Variants in SDHA observed in about 807,000 individuals in gnomAD.
The protein encoded by SDHA is succinate dehydrogenase complex flavoprotein subunit A.
Under a neutral mutation model 78.4 loss-of-function variants are expected in SDHA, and 48 were observed. The ratio of observed to expected loss-of-function variants is 0.61; its 90% CI spans 0.49 to 0.78. SDHA has a LOEUF of 0.78. Ranked by LOEUF, SDHA falls within the 30% of genes least tolerant of loss-of-function variation. The pLI, the probability that SDHA is intolerant of heterozygous loss-of-function variation, is 0.00. For synonymous variants in SDHA, 326 were observed against 353.9 expected (o/e 0.92, Z 0.88); for missense variants, 680 against 892.7 (o/e 0.76, Z 3.04).
chr5:264,598 G>A, the SDHA span, among the ~76,000 whole-genome samples: 36,631 of 152,174 alleles, frequency 0.24, 6,887 homozygotes, highest in African/African-American at 0.53. Context: ...TGCTGGTGGT[G>A]TCAGAATCAA....
downstream of SDHA, among the ~76,000 whole-genome samples, chr5:258,894 G>A (rs1473633091): frequency 5.9e-5 from 3 of 50,520 alleles, 1 homozygote; most frequent in Non-Finnish European, 1.2e-4. Context: ...TCCGCCCTCC[G>A]CCAGAGCATT....
chr5:256,340 C>G lies in SDHA; in HGVS notation c.1915C>G (p.Leu639Val), dbSNP rs1126697. 42 of 1,610,940 alleles carry G rather than the reference C, an allele frequency of 2.6e-5. No individual in the cohort carries two copies. Among genetic ancestry groups the G allele is most frequent in the Non-Finnish European group, 3.5e-5 (41 of 1,177,318 alleles). The change falls in exon 15 of 15, where the codon CTG becomes GTG. Residue 639 changes from leucine to valine, a missense_variant. Leu to Val is a conservative substitution (Grantham distance 32). Coordinates refer to ENST00000264932, the MANE Select transcript of SDHA (RefSeq NM_004168.4). ...ACTGACTCTTCTTTTCAAGGTCACT[C>G]TGGAATATAGACCCGTGATCGACAA... ...YVDVGTGKVT[L>V]EYRPVIDKTL...
At chr5:236,404 C>T in intron 9 of SDHA, 24 bp from the exon 10 acceptor site, 1 of 1,611,428 alleles carries the variant, frequency 6.2e-7, no homozygotes, top group Non-Finnish European at 8.5e-7. Context: ...CTTGACATTT[C>T]ACCTGAAATC....
At chr5:235,368 T>A in intron 9 of SDHA, 29 bp downstream of exon 9, 2 of 1,611,494 alleles carry the variant, frequency 1.2e-6, no homozygotes, top group Non-Finnish European at 1.7e-6. Flanking sequence ...CCCCCACAGC[T>A]GGAAAGAAGG....
chr5:218,376 G>T lies in SDHA; in HGVS notation c.21G>T (p.Leu7=). Residue 7 remains leucine, a synonymous_variant, in exon 1 of 15, where the codon CTG becomes CTT. Coordinates refer to ENST00000264932, the MANE Select transcript of SDHA (RefSeq NM_004168.4). The part of the protein sequence containing the change: MSGVRG[L]SRLLSARRLA... ...CAGACATGTCGGGGGTCCGGGGCCT[G>T]TCGCGGCTGCTGAGCGCTCGGCGCC... The T allele has an allele frequency of 1.4e-6, 2 of 1,456,778 alleles. No homozygotes were observed. Among genetic ancestry groups the T allele is most frequent in the Non-Finnish European group, 9.0e-7 (1 of 1,113,198 alleles). The allele number at this position is 1,456,778 out of a possible 1,614,324, so 90.2% of individuals were successfully genotyped here.
intron 11 of SDHA, among the ~76,000 whole-genome samples, chr5:245,953 A>G (rs1019644830): frequency 1.3e-5 from 2 of 152,258 alleles, no homozygotes; most frequent in African/African-American, 4.8e-5. Flanking sequence ...GCCCTCGGCT[A>G]TGCCATGAGT....
At position 220,239 on chromosome 5, in the gene SDHA, G is replaced by C. The variant is rs1350675851; in HGVS notation, c.63+1821G>C. On this transcript the variant is annotated intron_variant, in intron 1 of 14. Transcript: ENST00000264932. The stretch of plus-strand genomic sequence containing the variant: ...GCTTTTGGTTTCTTTTTATGGCCCA[G>C]TGCACTGACACAGCTTGCAAACTGT... 3 of 443,874 alleles carry C rather than the reference G, an allele frequency of 6.8e-6. No homozygotes were observed. The Admixed American group carries it at 7.5e-5, about 11-fold the overall frequency. 27.5% of individuals were successfully genotyped at this position (443,874 alleles called of 1,614,324 possible). A position where few individuals can be genotyped will look rare whatever the true frequency, so the allele number is the denominator to read the frequency against.
At chr5:257,630 G>T (rs1344823247), downstream of SDHA, among the ~76,000 whole-genome samples, 18 of 84,534 alleles carry the variant, frequency 2.1e-4, no homozygotes, top group Middle Eastern at 0.013. Context: ...AGCATTACTG[G>T]GTGAGCTCCA....
At chr5:219,328 A>G (rs2126526824) in intron 1 of SDHA, among the ~76,000 whole-genome samples, 1 of 152,248 alleles carries the variant, frequency 6.6e-6, no homozygotes, top group East Asian at 1.9e-4. Flanking sequence ...TCGGCCTTCT[A>G]GGGTTTTATT....
chr5:262,211 C>T, the SDHA span, among the ~76,000 whole-genome samples: 53 of 121,784 alleles, frequency 4.4e-4, 2 homozygotes, highest in Non-Finnish European at 1.7e-5. Context: ...ACCGTGTGAG[C>T]TCCGCCTCCC....
chr5:268,206 C>T, the SDHA span, among the ~76,000 whole-genome samples: 6 of 148,736 alleles, frequency 4.0e-5, no homozygotes, highest in East Asian at 4.0e-4. Flanking sequence ...TTTTTTGAGA[C>T]GGAGTCTCAC....
intron 7 of SDHA, among the ~76,000 whole-genome samples, chr5:231,543 G>A (rs148379225): frequency 0.013 from 1,849 of 144,730 alleles, 41 homozygotes; most frequent in African/African-American, 0.046. Context: ...CTGGGCAACA[G>A]AGTAAGACTC....
At chr5:248,710 G>A (rs1209213258) in intron 11 of SDHA, among the ~76,000 whole-genome samples, 1 of 152,142 alleles carries the variant, frequency 6.6e-6, no homozygotes, top group East Asian at 1.9e-4. Flanking sequence ...AACAGGCAGG[G>A]GTGCTGGCAA....
chr5:251,485 C>T lies in SDHA; in HGVS notation c.1794+17C>T, dbSNP rs747352875. ...GACTACAAGGTGGGCCTTCTCACCA[C>T]GCCCACCTGCACCTGCCTTTTCCTG... On this transcript the variant is annotated intron_variant, in intron 13 of 14. Coordinates refer to ENST00000264932, the MANE Select transcript of SDHA (RefSeq NM_004168.4). 1.5e-5 allele frequency: 24 copies of T among 1,613,708 alleles called. No homozygotes were observed. The highest frequency in any genetic ancestry group is 1.3e-4 in the East Asian group (6 of 44,904).
At chr5:266,619 C>A in the SDHA span, among the ~76,000 whole-genome samples, 20 of 151,990 alleles carry the variant, frequency 1.3e-4, no homozygotes, top group African/African-American at 4.6e-4. Context: ...AAGGACACAC[C>A]AAAGAAGTAA....
rs747249998 is a variant in SDHA, at chr5:251,069, T to G, written c.1629T>G (p.Tyr543Ter). The G allele has an allele frequency of 6.2e-7, 1 of 1,611,626 alleles. No individual in the cohort carries two copies. The highest frequency in any genetic ancestry group is 8.5e-7 in the Non-Finnish European group (1 of 1,179,586). Residue 543 changes from tyrosine to a stop codon, truncating the protein, a stop_gained, in exon 12 of 15, where the codon TAT becomes TAG. Coordinates refer to ENST00000264932, the MANE Select transcript of SDHA (RefSeq NM_004168.4). LOFTEE classifies it high-confidence loss of function. ...QEGCGKISKLYGDLKHLKTFD... is the reference protein window; with the variant it reads ...QEGCGKISKL The stretch of plus-strand genomic sequence containing the variant: ...GTTGTGGGAAAATCAGCAAGCTCTA[T>G]GGAGACCTAAAGCACCTGAAGACGT...
chr5:226,261 A>G (rs6555058), intron 5 of SDHA, among the ~76,000 whole-genome samples: 36,544 of 152,104 alleles, frequency 0.24, 6,845 homozygotes, highest in African/African-American at 0.52. Flanking sequence ...GACTTCTTGC[A>G]TCTATGTCAG....
rs373210235 is a variant in SDHA at position 250,783 on chromosome 5, A to G, written c.1552-209A>G. ...GTGTGTGGGTCTAAGATGTGTATGT[A>G]ATAGAAACATTTATTTATTCAGAAG... On this transcript the variant is annotated intron_variant, in intron 11 of 14. Coordinates refer to ENST00000264932, the MANE Select transcript of SDHA (RefSeq NM_004168.4). The G allele has an allele frequency of 8.5e-5, 49 of 574,046 alleles. 1 individual carries two copies. The South Asian group carries it at 9.4e-4, about 11-fold the overall frequency. The allele number at this position is 574,046 out of a possible 1,614,324, so 35.6% of individuals were successfully genotyped here.
intron 8 of SDHA, chr5:234,742 C>T (rs1330723037): frequency 6.6e-6 from 2 of 303,476 alleles, no homozygotes; most frequent in Non-Finnish European, 1.3e-5. Flanking sequence ...CAAATACTCT[C>T]CCATTTTATA....
Sources: gnomAD v4.1 joint callset for allele counts (sites outside exome capture counted in the v4.1 genomes callset) on GRCh38, gnomAD v4.1.1 for gene constraint, MANE v1.5 for transcripts, NCBI Gene and HGNC (gene_info 2026-07-23, HGNC 2026-07-21) for gene names.